DGKB: variants seen among roughly 807,000 people sequenced by gnomAD.
DGKB encodes diacylglycerol kinase beta, also known as 90 kDa diacylglycerol kinase.
Under a neutral mutation model 114.3 loss-of-function variants are expected in DGKB, and 67 were observed. The ratio of observed to expected loss-of-function variants is 0.59; its 90% CI spans 0.48 to 0.72. The LOEUF (loss-of-function observed/expected upper bound fraction) is 0.72. Ranked by LOEUF, DGKB falls within the 30% of genes least tolerant of loss-of-function variation. The pLI is 0.00. For synonymous variants in DGKB, 398 were observed against 323.1 expected, an observed-to-expected ratio of 1.23 and a Z score of -2.49; for missense variants, 907 against 975.2, an observed-to-expected ratio of 0.93 and a Z score of 0.93.
At chr7:14,615,990 A>G (rs933703623) in intron 15 of DGKB, among the ~76,000 whole-genome samples, 1 of 151,304 alleles carries the variant, frequency 6.6e-6, no homozygotes, top group Non-Finnish European at 1.5e-5. Context: ...TTTTATGGAA[A>G]TATCTTACAT....
chr7:14,406,772 G>A lies in DGKB; in HGVS notation c.1836-61381C>T, dbSNP rs527513293. Among the ~76,000 whole-genome samples, 8 of 152,170 alleles carry A rather than the reference G, an allele frequency of 5.3e-5. No individual in the cohort carries two copies. The East Asian group carries it at 1.5e-3, about 29-fold the overall frequency. On this transcript the variant is annotated intron_variant, in intron 21 of 25. Transcript: ENST00000402815. Reference sequence around the variant, plus strand: ...AATTTATTTGTACAATATGAGATATGACCATATTGCATCTCATCTTATGGA... The same window carrying A: ...AATTTATTTGTACAATATGAGATATAACCATATTGCATCTCATCTTATGGA...
intron 21 of DGKB, among the ~76,000 whole-genome samples, chr7:14,421,478 C>T (rs1826687041): frequency 2.0e-5 from 3 of 152,078 alleles, no homozygotes; most frequent in African/African-American, 7.2e-5. Context: ...TTATTGTTGT[C>T]ATCCTTATCT....
chr7:14,260,815 G>A (rs1295003559), intron 23 of DGKB, among the ~76,000 whole-genome samples: 1 of 152,074 alleles, frequency 6.6e-6, no homozygotes, highest in Non-Finnish European at 1.5e-5. Flanking sequence ...TTTATATCAG[G>A]TAAGGTTATA....
chr7:14,457,519 T>TA (rs1175808863), intron 21 of DGKB, among the ~76,000 whole-genome samples: 1 of 152,194 alleles, frequency 6.6e-6, no homozygotes, highest in African/African-American at 2.4e-5. Flanking sequence ...TACTTATAAA[T>TA]AAAAAAGATT....
At chr7:14,866,572 T>A (rs1288479799) in intron 1 of DGKB, among the ~76,000 whole-genome samples, 2 of 152,194 alleles carry the variant, frequency 1.3e-5, no homozygotes, top group Non-Finnish European at 2.9e-5. Context: ...AGCTAATTTC[T>A]TTTTAGCACT....
At chr7:14,377,898 T>C (rs977870943) in intron 21 of DGKB, among the ~76,000 whole-genome samples, 5 of 152,204 alleles carry the variant, frequency 3.3e-5, no homozygotes, top group Admixed American at 1.3e-4. Context: ...TTGTGGACAA[T>C]ATAATACTCT....
intron 20 of DGKB, among the ~76,000 whole-genome samples, chr7:14,559,328 C>T (rs1271771822): frequency 6.6e-6 from 1 of 152,070 alleles, no homozygotes; most frequent in African/African-American, 2.4e-5. Flanking sequence ...TCTCTAAAGT[C>T]CCAGTTACTT....
At chr7:14,638,953 G>A (rs1436738945) in intron 13 of DGKB, among the ~76,000 whole-genome samples, 2 of 152,060 alleles carry the variant, frequency 1.3e-5, no homozygotes, top group African/African-American at 4.8e-5. Context: ...CAGGAGAATC[G>A]CTTGAACCCG....
chr7:14,878,619 G>A (rs926312414), intron 1 of DGKB, among the ~76,000 whole-genome samples: 1 of 151,524 alleles, frequency 6.6e-6, no homozygotes, highest in Non-Finnish European at 1.5e-5. Flanking sequence ...CGTAGTGGCG[G>A]GCGCCTGTAG....
At chr7:14,386,379 G>C (rs549354726) in intron 21 of DGKB, among the ~76,000 whole-genome samples, 1 of 152,150 alleles carries the variant, frequency 6.6e-6, no homozygotes. Context: ...ATAAAAATGA[G>C]TTGTCTCACA....
chr7:14,246,946 C>G (rs1168805668), intron 23 of DGKB, among the ~76,000 whole-genome samples: 1 of 152,106 alleles, frequency 6.6e-6, no homozygotes, highest in African/African-American at 2.4e-5. Context: ...TCCTGCAAAA[C>G]TAAAGCTTTG....
chr7:14,171,626 ACATT>A (rs2128237986), intron 25 of DGKB, among the ~76,000 whole-genome samples: 1 of 152,362 alleles, frequency 6.6e-6, no homozygotes, highest in East Asian at 1.9e-4. Context: ...CTTCTCTGAT[ACATT>A]CAAATTCTTT....
chr7:14,943,154 T>G (rs1785667028), intron 1 of DGKB, among the ~76,000 whole-genome samples: 1 of 151,990 alleles, frequency 6.6e-6, no homozygotes, highest in Non-Finnish European at 1.5e-5. Context: ...ATGCTTGCAT[T>G]CCTTCACTTG....
intron 20 of DGKB, among the ~76,000 whole-genome samples, chr7:14,506,794 G>A (rs1298404495): frequency 1.3e-5 from 2 of 152,178 alleles, no homozygotes; most frequent in Admixed American, 1.3e-4. Flanking sequence ...CTATGGCTAA[G>A]GCTGCTGGTA....
At chr7:14,783,039 A>G (rs1011149691) in intron 2 of DGKB, among the ~76,000 whole-genome samples, 5 of 152,272 alleles carry the variant, frequency 3.3e-5, no homozygotes, top group Non-Finnish European at 7.4e-5. Context: ...TATTCTCTGT[A>G]AGAGTTTATG....
intron 2 of DGKB, among the ~76,000 whole-genome samples, chr7:14,772,267 T>G (rs79617757): frequency 0.048 from 7,321 of 152,240 alleles, 559 homozygotes; most frequent in African/African-American, 0.17. Flanking sequence ...TTACAGAGTT[T>G]GACTCTTTTC....
intron 21 of DGKB, among the ~76,000 whole-genome samples, chr7:14,392,995 G>GTTTTGCTTTTTTTTTT (rs1554404749): frequency 3.3e-5 from 2 of 60,546 alleles, no homozygotes; most frequent in African/African-American, 9.7e-5. Flanking sequence ...TTTTGTTTTT[G>GTTTTGCTTTTTTTTTT]TTTTTTTTTT....
intron 23 of DGKB, among the ~76,000 whole-genome samples, chr7:14,262,451 G>A (rs1009916699): frequency 1.3e-5 from 2 of 152,180 alleles, no homozygotes; most frequent in African/African-American, 2.4e-5. Context: ...GTGTCTGAGT[G>A]AGAGTGAGAG....
chr7:14,897,596 T>C (rs1321191415), intron 1 of DGKB, among the ~76,000 whole-genome samples: 2 of 151,932 alleles, frequency 1.3e-5, no homozygotes, highest in Non-Finnish European at 2.9e-5. Context: ...GTTAATAACC[T>C]GAAACCAGAA....
Sources: allele counts gnomAD v4.1 joint callset (sites outside exome capture counted in the v4.1 genomes callset), GRCh38; gene constraint gnomAD v4.1.1; transcripts MANE v1.5; gene names NCBI Gene and HGNC (gene_info 2026-07-23, HGNC 2026-07-21).